FKBP5: variants seen among roughly 807,000 people sequenced by gnomAD.
The protein encoded by FKBP5 is peptidyl-prolyl cis-trans isomerase FKBP5.
FKBP5 carries 23 observed loss-of-function variants against 50.5 expected under a neutral mutation model. The ratio of observed to expected loss-of-function variants is 0.46; its 90% CI spans 0.33 to 0.65. FKBP5 has a LOEUF of 0.65. FKBP5 is among the 30% of genes least tolerant of loss of function. The probability of loss-of-function intolerance (pLI) is 0.02; values close to 1 mark genes in which losing one functional copy is unlikely to be tolerated. For synonymous variants in FKBP5, 176 were observed against 190.6 expected, an observed-to-expected ratio of 0.92 and a Z score of 0.63; for missense variants, 411 against 553.1, an observed-to-expected ratio of 0.74 and a Z score of 2.58.
At chr6:35,714,967 G>A (rs1457018394) in intron 2 of FKBP5, among the ~76,000 whole-genome samples, 4 of 151,356 alleles carry the variant, frequency 2.6e-5, no homozygotes, top group African/African-American at 7.3e-5. Context: ...GAGTGTAGTC[G>A]CACGATGTCG....
At chr6:35,685,219 G>A (rs549600531) in intron 1 of FKBP5, among the ~76,000 whole-genome samples, 1 of 152,244 alleles carries the variant, frequency 6.6e-6, no homozygotes, top group South Asian at 2.1e-4. Context: ...TAGTACATAT[G>A]GCCCCACTGT....
chr6:35,591,039 C>T (rs1762805289), intron 7 of FKBP5, 91 bp downstream of exon 7: 2 of 803,688 alleles, frequency 2.5e-6, no homozygotes, highest in African/African-American at 3.4e-5. Flanking sequence ...CACCATCTAT[C>T]TATACCACCT....
intron 1 of FKBP5, among the ~76,000 whole-genome samples, chr6:35,671,625 C>CA (rs1272434858): frequency 1.1e-4 from 17 of 151,934 alleles, no homozygotes; most frequent in Non-Finnish European, 2.1e-4. Flanking sequence ...AGTTAAATTA[C>CA]AAAAAACTTC....
intron 6 of FKBP5, among the ~76,000 whole-genome samples, chr6:35,596,082 T>C (rs1324317400): frequency 6.6e-6 from 1 of 151,880 alleles, no homozygotes; most frequent in East Asian, 1.9e-4. Flanking sequence ...GGGCTGGGCG[T>C]GGTGGCTCAC....
Position 35,585,515 on chromosome 6 carries a change from C to T in FKBP5, c.840+1519G>A, listed in dbSNP as rs867374345. 3.6e-5 allele frequency: 35 copies of T among 985,004 alleles called. No homozygotes were observed. The African/African-American group carries it at 4.9e-4, about 14-fold the overall frequency. 61.0% of individuals were successfully genotyped at this position (985,004 alleles called of 1,614,324 possible). A position where few individuals can be genotyped will look rare whatever the true frequency, so the allele number is the denominator to read the frequency against. On this transcript the variant is annotated intron_variant, in intron 8 of 10. Coordinates refer to ENST00000357266, the MANE Select transcript of FKBP5 (RefSeq NM_004117.4). ...ACTTGAAAATATAACCTCTTTGGACCTTAAATGACTAAATCATTTGAAGAG... is the reference window on the plus strand; with the variant it reads ...ACTTGAAAATATAACCTCTTTGGACTTTAAATGACTAAATCATTTGAAGAG...
At chr6:35,656,895 C>CAAA (rs35579361) in intron 1 of FKBP5, among the ~76,000 whole-genome samples, 124 of 111,004 alleles carry the variant, frequency 1.1e-3, no homozygotes, top group African/African-American at 4.0e-3. Context: ...GACTCCGTCT[C>CAAA]AAAAAAAAAA....
rs577134588 is a variant in FKBP5, at chr6:35,597,762, A to C, written c.509-358T>G. On this transcript the variant is annotated intron_variant, in intron 5 of 10. Coordinates refer to ENST00000357266, the MANE Select transcript of FKBP5 (RefSeq NM_004117.4). Reference sequence around the variant, plus strand: ...TTTAATAAAGTTATCAAATGCCACAAATTTAATATCAAATATATAAACATC... The same window carrying C: ...TTTAATAAAGTTATCAAATGCCACACATTTAATATCAAATATATAAACATC... Among the ~76,000 whole-genome samples the C allele has an allele frequency of 5.3e-5, 8 of 152,324 alleles. 1 individual carries two copies. In the South Asian group the frequency reaches 1.7e-3, roughly 32 times the overall value.
At chr6:35,616,314 C>CAA (rs34779549) in intron 5 of FKBP5, among the ~76,000 whole-genome samples, 109 of 57,436 alleles carry the variant, frequency 1.9e-3, no homozygotes, top group African/African-American at 4.1e-3. Context: ...GACTCCATCT[C>CAA]AAAAAAAAAA....
At chr6:35,708,389 G>A (rs1208429109) in intron 2 of FKBP5, among the ~76,000 whole-genome samples, 1 of 152,060 alleles carries the variant, frequency 6.6e-6, no homozygotes, top group Non-Finnish European at 1.5e-5. Context: ...TGAGTAGCTG[G>A]GATGGGTGTG....
Position 35,642,648 on chromosome 6 carries a change from C to G in FKBP5, c.105+72G>C. On this transcript the variant is annotated intron_variant, in intron 2 of 10. Coordinates refer to ENST00000357266, the MANE Select transcript of FKBP5 (RefSeq NM_004117.4). ...AATAAACATTATCCACCCCAGCCCC[C>G]CTCAGAAAGAGATGCTATAATCTTT... 3.4e-6 allele frequency: 4 copies of G among 1,163,700 alleles called. 1 individual carries two copies. The highest frequency in any genetic ancestry group is 2.4e-5 in the East Asian group (1 of 41,682). The allele number at this position is 1,163,700 out of a possible 1,614,324, so 72.1% of individuals were successfully genotyped here. A position where few individuals can be genotyped will look rare whatever the true frequency, so the allele number is the denominator to read the frequency against.
intron 1 of FKBP5, among the ~76,000 whole-genome samples, chr6:35,726,526 T>C (rs911708188): frequency 1.5e-5 from 2 of 132,740 alleles, no homozygotes; most frequent in Non-Finnish European, 3.1e-5. Flanking sequence ...CCCTCCCATC[T>C]CCTCCTCCTC....
intron 2 of FKBP5, among the ~76,000 whole-genome samples, chr6:35,711,778 T>C (rs1024675010): frequency 2.6e-5 from 4 of 152,194 alleles, no homozygotes; most frequent in Admixed American, 2.6e-4. Context: ...ATGGGTGCAT[T>C]TTATCATAAG....
At chr6:35,671,275 A>T (rs1048136732) in intron 1 of FKBP5, among the ~76,000 whole-genome samples, 10 of 151,240 alleles carry the variant, frequency 6.6e-5, no homozygotes, top group East Asian at 5.8e-4. Context: ...AAAAAAAAAA[A>T]AAATAATAAA....
At chr6:35,619,476 A>G (rs1014824146) in intron 4 of FKBP5, among the ~76,000 whole-genome samples, 4 of 152,210 alleles carry the variant, frequency 2.6e-5, no homozygotes, top group African/African-American at 7.2e-5. Context: ...AAATACTAGG[A>G]AAACTACCCT....
At position 35,665,234 on chromosome 6, in the gene FKBP5, T is replaced by G. The variant is rs528419064; in HGVS notation, c.-19-22391A>C. ...GTGTTCCAACACAACAAATCTAAAC[T>G]TCTCAAACCAGCACTCAGGGTCTTC... is the stretch of plus-strand genomic sequence containing the variant. On this transcript the variant is annotated intron_variant, in intron 1 of 10. Coordinates refer to ENST00000357266, the MANE Select transcript of FKBP5 (RefSeq NM_004117.4). Among the ~76,000 whole-genome samples, 226 of 152,004 alleles carry G rather than the reference T, an allele frequency of 1.5e-3. 1 individual carries two copies. Among genetic ancestry groups the G allele is most frequent in the Non-Finnish European group, 2.4e-3 (163 of 67,982 alleles).
intron 2 of FKBP5, among the ~76,000 whole-genome samples, chr6:35,713,077 TAAAAAAAAAAAAAA>T (rs34258638): frequency 3.8e-5 from 2 of 52,948 alleles, no homozygotes; most frequent in South Asian, 8.6e-4. Context: ...ATCTGGTCTC[TAAAAAAAAAAAAAA>T]AAAAAAAAAA....
upstream of FKBP5, among the ~76,000 whole-genome samples, chr6:35,689,936 G>A (rs930389876): frequency 6.6e-6 from 1 of 152,180 alleles, no homozygotes; most frequent in Non-Finnish European, 1.5e-5. Flanking sequence ...TAGAGATGCA[G>A]GAGCTGCACC....
At chr6:35,687,738 C>T (rs1003954546) in intron 1 of FKBP5, among the ~76,000 whole-genome samples, 1 of 152,204 alleles carries the variant, frequency 6.6e-6, no homozygotes, top group African/African-American at 2.4e-5. Context: ...GCAGAATTTA[C>T]TGAACGGCGG....
chr6:35,602,089 C>T (rs977908482), intron 5 of FKBP5, among the ~76,000 whole-genome samples: 5 of 152,036 alleles, frequency 3.3e-5, no homozygotes, highest in African/African-American at 1.2e-4. Flanking sequence ...CACAGAACAC[C>T]CTGTTCTGAA....
Sources: allele counts gnomAD v4.1 joint callset (sites outside exome capture counted in the v4.1 genomes callset), GRCh38; gene constraint gnomAD v4.1.1; transcripts MANE v1.5; gene names NCBI Gene and HGNC (gene_info 2026-07-23, HGNC 2026-07-21).